The following RBMS3 variants were observed in gnomAD, a reference collection of about 807,000 sequenced individuals.
RBMS3 encodes RNA binding motif single stranded interacting protein 3.
RBMS3 carries 27 observed loss-of-function variants against 66.8 expected under a neutral mutation model. The ratio of observed to expected loss-of-function variants is 0.40; its 90% CI spans 0.30 to 0.56. The LOEUF (loss-of-function observed/expected upper bound fraction) is 0.56. RBMS3 is among the 20% of genes least tolerant of loss of function. The pLI, the probability that RBMS3 is intolerant of heterozygous loss-of-function variation, is 0.40. For synonymous variants in RBMS3, 188 were observed against 183.0 expected (o/e 1.03, Z -0.22); for missense variants, 513 against 549.5 (o/e 0.93, Z 0.66).
chr3:29,550,306 A>G (rs999135879), intron 3 of RBMS3, among the ~76,000 whole-genome samples: 1 of 152,210 alleles, frequency 6.6e-6, no homozygotes, highest in African/African-American at 2.4e-5. Context: ...GTAATGTTAC[A>G]TTTCATAGGG....
At chr3:29,446,146 C>A (rs6784776) in intron 2 of RBMS3, among the ~76,000 whole-genome samples, 10,003 of 152,116 alleles carry the variant, frequency 0.066, 419 homozygotes, top group East Asian at 0.16. Flanking sequence ...AAGAGTAGCA[C>A]AGAATTTTGA....
At chr3:29,914,667 C>T (rs2060595345) in intron 10 of RBMS3, among the ~76,000 whole-genome samples, 1 of 151,824 alleles carries the variant, frequency 6.6e-6, no homozygotes, top group African/African-American at 2.4e-5. Context: ...TTACATATGT[C>T]TTTTTGAATT....
intron 4 of RBMS3, among the ~76,000 whole-genome samples, chr3:29,625,729 TAAATAAATAA>T (rs1559518875): frequency 6.0e-5 from 9 of 150,208 alleles, no homozygotes; most frequent in African/African-American, 9.9e-5. Flanking sequence ...AATAAATAAA[TAAATAAATAA>T]AAATAATCTT....
chr3:29,837,070 G>A (rs988117486), intron 6 of RBMS3, among the ~76,000 whole-genome samples: 4 of 151,906 alleles, frequency 2.6e-5, no homozygotes, highest in Non-Finnish European at 5.9e-5. Context: ...AGTCTAAATG[G>A]TGCTGCACTC....
Position 29,803,002 on chromosome 3 carries a change from T to C in RBMS3, c.637+40013T>C, listed in dbSNP as rs568202552. Among the ~76,000 whole-genome samples the C allele has an allele frequency of 3.9e-5, 6 of 152,152 alleles. No homozygotes were observed. The South Asian group carries it at 1.0e-3, about 26-fold the overall frequency. On this transcript the variant is annotated intron_variant, in intron 6 of 14. Transcript: ENST00000383767. ...AGAAAGGACGTTGACTTTCTGAAAA[T>C]GGGACGAACGGCTTTATCTGAAAGC...
chr3:29,441,577 C>T (rs1175337688), intron 2 of RBMS3, among the ~76,000 whole-genome samples: 3 of 152,060 alleles, frequency 2.0e-5, no homozygotes, highest in Admixed American at 1.3e-4. Context: ...ACTTCAAAGC[C>T]GATATTCGTA....
chr3:29,729,136 G>GCCCCCCCCCCCCCCCCCC (rs1237019035), intron 4 of RBMS3, among the ~76,000 whole-genome samples: 2 of 92,892 alleles, frequency 2.2e-5, no homozygotes, highest in Admixed American at 1.2e-4. Flanking sequence ...CTCCCCTACC[G>GCCCCCCCCCCCCCCCCCC]CCCCACCCCC....
At chr3:29,418,666 G>C (rs2040577338) in intron 1 of RBMS3, among the ~76,000 whole-genome samples, 2 of 152,012 alleles carry the variant, frequency 1.3e-5, no homozygotes, top group Non-Finnish European at 2.9e-5. Flanking sequence ...GAGAATCTTT[G>C]CTTTCCTCTG....
intron 6 of RBMS3, among the ~76,000 whole-genome samples, chr3:29,784,145 A>G (rs2056737057): frequency 6.6e-6 from 1 of 152,172 alleles, no homozygotes; most frequent in Non-Finnish European, 1.5e-5. Context: ...TCATCAAGAC[A>G]GAAAGTCAAC....
intron 11 of RBMS3, among the ~76,000 whole-genome samples, chr3:29,937,798 T>C (rs2061305142): frequency 6.6e-6 from 1 of 151,980 alleles, no homozygotes; most frequent in South Asian, 2.1e-4. Flanking sequence ...CAAAGAATTA[T>C]TTGTAATTAT....
chr3:29,826,092 A>G (rs1237715451), intron 6 of RBMS3, among the ~76,000 whole-genome samples: 1 of 152,124 alleles, frequency 6.6e-6, no homozygotes, highest in Non-Finnish European at 1.5e-5. Context: ...TAAGTCTCCA[A>G]GTGGCTTGTC....
At chr3:29,576,785 G>T (rs1223048896) in intron 3 of RBMS3, among the ~76,000 whole-genome samples, 1 of 152,156 alleles carries the variant, frequency 6.6e-6, no homozygotes, top group Non-Finnish European at 1.5e-5. Flanking sequence ...GAGGGGTTCT[G>T]CCAGGCCACT....
At chr3:29,945,524 A>C (rs888056139) in intron 12 of RBMS3, among the ~76,000 whole-genome samples, 2 of 151,674 alleles carry the variant, frequency 1.3e-5, no homozygotes, top group African/African-American at 4.8e-5. Context: ...TCATATCTTA[A>C]CATGCCAATT....
At chr3:29,722,708 C>G (rs1018284821) in intron 4 of RBMS3, among the ~76,000 whole-genome samples, 1 of 152,022 alleles carries the variant, frequency 6.6e-6, no homozygotes, top group African/African-American at 2.4e-5. Context: ...TAGAGCATCC[C>G]TACCTTAGAT....
intron 1 of RBMS3, among the ~76,000 whole-genome samples, chr3:29,382,835 A>AT (rs1419690007): frequency 7.3e-5 from 11 of 150,768 alleles, no homozygotes; most frequent in Admixed American, 1.3e-4. Context: ...TGGATTTGTT[A>AT]TTTTTTCTCC....
chr3:29,987,169 A>C (rs535996152), intron 12 of RBMS3, among the ~76,000 whole-genome samples: 1 of 152,318 alleles, frequency 6.6e-6, no homozygotes, highest in African/African-American at 2.4e-5. Context: ...CATTCCTCTA[A>C]ACTTTATGAA....
chr3:29,593,433 A>C (rs1479393726), intron 4 of RBMS3, among the ~76,000 whole-genome samples: 1 of 152,148 alleles, frequency 6.6e-6, no homozygotes, highest in Non-Finnish European at 1.5e-5. Context: ...GAGGCTTCTC[A>C]AGGGCTCCCT....
At chr3:29,978,194 A>C (rs899739443) in intron 12 of RBMS3, among the ~76,000 whole-genome samples, 1 of 152,140 alleles carries the variant, frequency 6.6e-6, no homozygotes, top group East Asian at 1.9e-4. Flanking sequence ...CAATTACCTA[A>C]AGCTGGGAGT....
intron 12 of RBMS3, among the ~76,000 whole-genome samples, chr3:29,954,497 C>A (rs958717155): frequency 6.6e-6 from 1 of 151,960 alleles, no homozygotes; most frequent in African/African-American, 2.4e-5. Context: ...TTGTTAGAGT[C>A]TTTGACAGTA....
Sources: allele counts gnomAD v4.1 joint callset (sites outside exome capture counted in the v4.1 genomes callset), GRCh38; gene constraint gnomAD v4.1.1; transcripts MANE v1.5; gene names NCBI Gene and HGNC (gene_info 2026-07-23, HGNC 2026-07-21).